Variants in ZNF385D observed in about 807,000 individuals in gnomAD.
The protein encoded by ZNF385D is zinc finger protein 385D.
In ZNF385D, 15 loss-of-function variants were observed where a neutral mutation model predicts 35.8. The observed-to-expected ratio is 0.42, with a 90% CI of 0.28 to 0.64. ZNF385D has a LOEUF of 0.64. Ranked by LOEUF, ZNF385D falls within the 30% of genes least tolerant of loss-of-function variation. The pLI is 0.23. For missense variants in ZNF385D, 474 were observed against 494.6 expected, an observed-to-expected ratio of 0.96 and a Z score of 0.39; for synonymous variants, 212 against 186.8, an observed-to-expected ratio of 1.13 and a Z score of -1.10.
chr3:21,721,838 G>A (rs373159642), intron 1 of ZNF385D, among the ~76,000 whole-genome samples: 3 of 152,224 alleles, frequency 2.0e-5, no homozygotes, highest in South Asian at 2.1e-4. Flanking sequence ...GGTGGCTCAC[G>A]CCTGTATTCC....
chr3:22,174,323 G>C (rs1320110475), intron 2 of ZNF385D, among the ~76,000 whole-genome samples: 1 of 152,088 alleles, frequency 6.6e-6, no homozygotes, highest in Non-Finnish European at 1.5e-5. Context: ...CCTTGTCAAA[G>C]TGGCAAACCT....
intron 3 of ZNF385D, among the ~76,000 whole-genome samples, chr3:22,153,464 C>CT (rs769926281): frequency 0.01 from 1,130 of 109,318 alleles, 13 homozygotes; most frequent in African/African-American, 0.016. Flanking sequence ...TGAAATTCTT[C>CT]TTTTTTTTTT....
chr3:22,143,539 C>T (rs182803288), intron 3 of ZNF385D, among the ~76,000 whole-genome samples: 35 of 152,228 alleles, frequency 2.3e-4, no homozygotes, highest in Non-Finnish European at 3.8e-4. Flanking sequence ...TTGATTCATA[C>T]ACACACTTGC....
chr3:21,441,268 C>T lies in ZNF385D; in HGVS notation c.440-4065G>A, dbSNP rs886861481. ...GAATAAATTAATAATAGCTAATCAT[C>T]GTGGAAGCACTTTTAAAGTATTTAC... On this transcript the variant is annotated intron_variant, in intron 4 of 7. Coordinates refer to ENST00000281523, the MANE Select transcript of ZNF385D (RefSeq NM_024697.3). Among the ~76,000 whole-genome samples, 11 of 152,040 alleles carry T rather than the reference C, an allele frequency of 7.2e-5. No individual in the cohort carries two copies. In the South Asian group the frequency reaches 1.0e-3, roughly 14 times the overall value.
chr3:21,695,793 T>A (rs1202962863), intron 1 of ZNF385D, among the ~76,000 whole-genome samples: 3 of 151,666 alleles, frequency 2.0e-5, no homozygotes, highest in African/African-American at 7.3e-5. Context: ...CATATTTCAT[T>A]TTATTCCTTT....
intron 3 of ZNF385D, among the ~76,000 whole-genome samples, chr3:21,770,548 C>T (rs1214913950): frequency 6.6e-6 from 1 of 152,170 alleles, no homozygotes; most frequent in Non-Finnish European, 1.5e-5. Flanking sequence ...GATACCATCT[C>T]ACACCAGTTA....
chr3:22,187,274 TTAAAA>T (rs1267180429), intron 2 of ZNF385D, among the ~76,000 whole-genome samples: 1 of 152,204 alleles, frequency 6.6e-6, no homozygotes, highest in African/African-American at 2.4e-5. Context: ...TCGAAGTCTA[TTAAAA>T]TAAGAGTGCT....
At chr3:22,147,051 T>G (rs1704905515) in intron 3 of ZNF385D, among the ~76,000 whole-genome samples, 1 of 152,224 alleles carries the variant, frequency 6.6e-6, no homozygotes, top group African/African-American at 2.4e-5. Flanking sequence ...TATTTAGAGT[T>G]ACCCAATTAA....
In ZNF385D at chr3:22,056,363, C is replaced by G. The variant is rs147473968; in HGVS notation, c.325+112454G>C. On this transcript the variant is annotated intron_variant, in intron 3 of 5. Transcript: ENST00000494108. Reference sequence around the variant, plus strand: ...CAGTAAGAATGGGATAAAATATAAACCGTGTGTTAGTTTAGGGGCTGTCTA... The same window carrying G: ...CAGTAAGAATGGGATAAAATATAAAGCGTGTGTTAGTTTAGGGGCTGTCTA... 4.9e-3 allele frequency among the ~76,000 whole-genome samples: 720 copies of G among 148,062 alleles called. 1 individual carries two copies. The highest frequency in any genetic ancestry group is 8.3e-3 in the Non-Finnish European group (557 of 67,260).
At chr3:22,341,085 A>G (rs758100838) in intron 2 of ZNF385D, among the ~76,000 whole-genome samples, 2 of 152,128 alleles carry the variant, frequency 1.3e-5, no homozygotes, top group Non-Finnish European at 2.9e-5. Context: ...AATCAAGAAA[A>G]CCTGGTTTCT....
chr3:21,603,889 T>C (rs1194753712), intron 2 of ZNF385D, among the ~76,000 whole-genome samples: 1 of 152,142 alleles, frequency 6.6e-6, no homozygotes, highest in Non-Finnish European at 1.5e-5. Flanking sequence ...TAGGGAGGCA[T>C]AGCCACGCAA....
At chr3:21,568,762 A>C (rs1420434209) in intron 2 of ZNF385D, among the ~76,000 whole-genome samples, 1 of 152,202 alleles carries the variant, frequency 6.6e-6, no homozygotes, top group Non-Finnish European at 1.5e-5. Context: ...TTCAATGCAT[A>C]CGTTTTAGAA....
intron 2 of ZNF385D, among the ~76,000 whole-genome samples, chr3:22,314,321 G>A (rs944728995): frequency 1.7e-4 from 26 of 151,922 alleles, no homozygotes; most frequent in African/African-American, 6.3e-4. Flanking sequence ...TCATTCTTAT[G>A]CCTTTGCACC....
intron 3 of ZNF385D, among the ~76,000 whole-genome samples, chr3:22,049,721 T>G (rs1443938387): frequency 1.3e-5 from 2 of 152,328 alleles, no homozygotes; most frequent in East Asian, 3.9e-4. Context: ...TTTGTTATCA[T>G]GACAAGATGC....
At chr3:22,122,651 G>A (rs1559385255) in intron 3 of ZNF385D, among the ~76,000 whole-genome samples, 2 of 152,122 alleles carry the variant, frequency 1.3e-5, no homozygotes, top group Non-Finnish European at 2.9e-5. Context: ...TGAATAATAA[G>A]TTCTATGGAA....
chr3:21,466,037 G>A (rs147038209), intron 4 of ZNF385D, among the ~76,000 whole-genome samples: 10 of 152,240 alleles, frequency 6.6e-5, no homozygotes, highest in African/African-American at 2.4e-4. Flanking sequence ...CTACCACCTG[G>A]AATGCACCCG....
At chr3:21,898,549 G>C (rs1227618908) in intron 3 of ZNF385D, among the ~76,000 whole-genome samples, 1 of 152,044 alleles carries the variant, frequency 6.6e-6, no homozygotes, top group Non-Finnish European at 1.5e-5. Context: ...AAGAACTAAA[G>C]TAGATAGATA....
At chr3:22,349,390 G>A (rs1234509462) in intron 2 of ZNF385D, among the ~76,000 whole-genome samples, 2 of 152,160 alleles carry the variant, frequency 1.3e-5, no homozygotes, top group Admixed American at 1.3e-4. Context: ...TGGAAAGACT[G>A]CTCAGTGTGG....
rs184938881 is a variant in ZNF385D at position 22,234,926 on chromosome 3, C to T, written c.107-65891G>A. On this transcript the variant is annotated intron_variant, in intron 2 of 5. Transcript: ENST00000494108. Reference sequence around the variant, plus strand: ...ATGTACTTAGAGCTTGATATTTAGCCAGGCAAAATATCTTCAAGTAAACAT... The same window carrying T: ...ATGTACTTAGAGCTTGATATTTAGCTAGGCAAAATATCTTCAAGTAAACAT... 2.0e-5 allele frequency among the ~76,000 whole-genome samples: 3 copies of T among 152,008 alleles called. No individual in the cohort carries two copies. The East Asian group carries it at 5.8e-4, about 29-fold the overall frequency.
Sources: allele counts gnomAD v4.1 joint callset (sites outside exome capture counted in the v4.1 genomes callset), GRCh38; gene constraint gnomAD v4.1.1; transcripts MANE v1.5; gene names NCBI Gene and HGNC (gene_info 2026-07-23, HGNC 2026-07-21).